Variants in SNX29 observed in about 807,000 individuals in gnomAD.
The protein encoded by SNX29 is sorting nexin-29.
Under a neutral mutation model 102.1 loss-of-function variants are expected in SNX29, and 78 were observed. The ratio of observed to expected loss-of-function variants is 0.76; its 90% CI spans 0.64 to 0.92. The LOEUF is 0.92. SNX29 is among the 40% of genes least tolerant of loss of function. The pLI is 0.00. For synonymous variants in SNX29, 580 were observed against 414.5 expected (o/e 1.40, Z -4.85); for missense variants, 1,280 against 1,061.7 (o/e 1.21, Z -2.86).
intron 13 of SNX29, among the ~76,000 whole-genome samples, chr16:12,161,165 A>G (rs939720803): frequency 6.6e-6 from 1 of 152,170 alleles, no homozygotes; most frequent in African/African-American, 2.4e-5. Context: ...TGATAATACT[A>G]TCTCAATTCA....
rs1017984003 is a variant in SNX29, at chr16:12,570,775, T to C, written c.*2146T>C. The C allele has an allele frequency of 9.1e-4, 110 of 120,988 alleles. 1 individual carries two copies. The African/African-American group carries it at 9.2e-3, about 10-fold the overall frequency. The allele number at this position is 120,988 out of a possible 1,614,324, so 7.5% of individuals were successfully genotyped here. ...ACCTTGGACATTCTGCACATGATAA[T>C]AATGCAACAGTCCCCCATTGCTGAG... On this transcript the variant is annotated 3_prime_UTR_variant, in exon 21 of 21. Coordinates refer to ENST00000566228, the MANE Select transcript of SNX29 (RefSeq NM_032167.5).
At chr16:12,027,015 C>A (rs1412152553) in intron 3 of SNX29, among the ~76,000 whole-genome samples, 1 of 152,206 alleles carries the variant, frequency 6.6e-6, no homozygotes, top group Admixed American at 6.5e-5. Flanking sequence ...CTTTTCCCCC[C>A]TCTGCACCCC....
At chr16:12,314,605 T>G (rs1166591412) in intron 15 of SNX29, among the ~76,000 whole-genome samples, 1 of 152,282 alleles carries the variant, frequency 6.6e-6, no homozygotes, top group Admixed American at 6.5e-5. Context: ...GATATACCAC[T>G]TAAGTCTTTA....
intron 15 of SNX29, among the ~76,000 whole-genome samples, chr16:12,328,350 G>A (rs1175741266): frequency 4.6e-5 from 7 of 152,200 alleles, no homozygotes; most frequent in Non-Finnish European, 5.9e-5. Flanking sequence ...TGATGCATTT[G>A]TGGTTTCATG....
chr16:12,472,537 A>G (rs899636228), intron 18 of SNX29, among the ~76,000 whole-genome samples: 2 of 149,856 alleles, frequency 1.3e-5, no homozygotes, highest in Admixed American at 6.7e-5. Context: ...ACCAAAAAAA[A>G]AAAAAACAAA....
chr16:12,517,296 C>T (rs933991812), intron 19 of SNX29, among the ~76,000 whole-genome samples: 1 of 152,196 alleles, frequency 6.6e-6, no homozygotes, highest in Admixed American at 6.5e-5. Flanking sequence ...CCTCATGGCC[C>T]TTTAAGAGCT....
intron 20 of SNX29, chr16:12,557,330 TG>T (rs1383056052): frequency 6.6e-6 from 1 of 151,938 alleles, no homozygotes; most frequent in East Asian, 1.9e-4. Flanking sequence ...TTCAGAGAGA[TG>T]GGAAGAACCT....
At position 12,205,512 on chromosome 16, in the gene SNX29, C is replaced by A. The variant is rs150968746; in HGVS notation, c.1678+5829C>A. Among the ~76,000 whole-genome samples, 8 of 152,332 alleles carry A rather than the reference C, an allele frequency of 5.3e-5. No individual in the cohort carries two copies. The East Asian group carries it at 1.5e-3, about 29-fold the overall frequency. ...CCTCCCTCTTGCTGTCTCCACCCCA[C>A]CCACGCTGGCCTTTAGGCTGATCCT... On this transcript the variant is annotated intron_variant, in intron 14 of 20. Transcript: ENST00000566228.
In SNX29 at chr16:12,571,834, C is replaced by A. The variant is rs2079194171; in HGVS notation, c.*3205C>A. 2.9e-6 allele frequency: 3 copies of A among 1,043,374 alleles called. No individual in the cohort carries two copies. Among genetic ancestry groups the A allele is most frequent in the African/African-American group, 1.7e-5 (1 of 60,444 alleles). The allele number at this position is 1,043,374 out of a possible 1,614,324, so 64.6% of individuals were successfully genotyped here. ...TCCAGCTTCTTTGATTCCCACTTAG[C>A]AGTATGCTCCAATCACGTTGCTGGC... On this transcript the variant is annotated 3_prime_UTR_variant, in exon 21 of 21. Transcript: ENST00000566228.
At chr16:12,154,943 C>T (rs2055475176) in intron 13 of SNX29, among the ~76,000 whole-genome samples, 1 of 152,196 alleles carries the variant, frequency 6.6e-6, no homozygotes, top group African/African-American at 2.4e-5. Context: ...GTTAGCATTT[C>T]AGCATATGAA....
intron 1 of SNX29, among the ~76,000 whole-genome samples, chr16:11,994,983 G>A (rs765360348): frequency 6.6e-6 from 1 of 152,140 alleles, no homozygotes; most frequent in Admixed American, 6.6e-5. Context: ...GTGACTTCCC[G>A]TTCAGTGCTC....
rs182414342 is a variant in SNX29, at chr16:12,241,000, C to T, written c.1679-36933C>T. Among the ~76,000 whole-genome samples, 12 of 152,186 alleles carry T rather than the reference C, an allele frequency of 7.9e-5. No homozygotes were observed. In the East Asian group the frequency reaches 1.2e-3, roughly 15 times the overall value. The stretch of plus-strand genomic sequence containing the variant: ...TTTTTAATTTTTACCTAATCAAATC[C>T]GGTGACTTTTTTTGTGTGGAATTTC... On this transcript the variant is annotated intron_variant, in intron 14 of 20. Transcript: ENST00000566228.
chr16:11,989,594 A>G (rs2055766028), intron 1 of SNX29, among the ~76,000 whole-genome samples: 1 of 152,236 alleles, frequency 6.6e-6, no homozygotes, highest in African/African-American at 2.4e-5. Flanking sequence ...TGCCCTGGCC[A>G]GTTCTGGTCC....
intron 14 of SNX29, among the ~76,000 whole-genome samples, chr16:12,267,810 C>T (rs1010841630): frequency 3.3e-5 from 5 of 152,180 alleles, no homozygotes; most frequent in African/African-American, 1.2e-4. Flanking sequence ...GGAGTGATCC[C>T]TAAAAACGTC....
intron 11 of SNX29, among the ~76,000 whole-genome samples, chr16:12,115,938 G>A (rs746388753): frequency 1.3e-5 from 2 of 152,104 alleles, no homozygotes; most frequent in African/African-American, 2.4e-5. Flanking sequence ...TTCCACCCTC[G>A]TCCCACTCTC....
chr16:12,178,510 G>A (rs1219069050), intron 13 of SNX29, among the ~76,000 whole-genome samples: 1 of 152,194 alleles, frequency 6.6e-6, no homozygotes, highest in Non-Finnish European at 1.5e-5. Flanking sequence ...GTCAGCCCAG[G>A]ACACAAGGGG....
At chr16:12,274,711 G>A (rs2079193031) in intron 14 of SNX29, among the ~76,000 whole-genome samples, 1 of 151,794 alleles carries the variant, frequency 6.6e-6, no homozygotes, top group Non-Finnish European at 1.5e-5. Flanking sequence ...TAATTTTTGT[G>A]GTTTTTGCAG....
At chr16:12,197,124 C>T (rs1406146660) in intron 13 of SNX29, among the ~76,000 whole-genome samples, 1 of 152,220 alleles carries the variant, frequency 6.6e-6, no homozygotes, top group Admixed American at 6.5e-5. Context: ...CATGCGGCCT[C>T]TTGGAAAATG....
chr16:12,547,866 C>G (rs2077708151), intron 20 of SNX29, among the ~76,000 whole-genome samples: 1 of 152,158 alleles, frequency 6.6e-6, no homozygotes, highest in African/African-American at 2.4e-5. Context: ...GCAAAATGAG[C>G]CACTTCCTTC....
Sources: allele counts gnomAD v4.1 joint callset (sites outside exome capture counted in the v4.1 genomes callset), GRCh38; gene constraint gnomAD v4.1.1; transcripts MANE v1.5; gene names NCBI Gene and HGNC (gene_info 2026-07-23, HGNC 2026-07-21).